TRAPPC4: variants seen among roughly 807,000 people sequenced by gnomAD.
The protein encoded by TRAPPC4 is trafficking protein particle complex subunit 4, also known as TRS23 homolog.
TRAPPC4 carries 30 observed loss-of-function variants against 23.5 expected under a neutral mutation model. That is an observed-to-expected ratio of 1.28 (90% CI 0.96 to 1.73). The LOEUF (loss-of-function observed/expected upper bound fraction) is 1.73. Among genes scored for constraint, TRAPPC4 ranks in the 40% most tolerant of loss-of-function variants. The probability of loss-of-function intolerance (pLI) is 0.00; values close to 1 mark genes in which losing one functional copy is unlikely to be tolerated. For missense variants in TRAPPC4, 252 were observed against 268.9 expected, an observed-to-expected ratio of 0.94 and a Z score of 0.44; for synonymous variants, 129 against 105.3, an observed-to-expected ratio of 1.23 and a Z score of -1.38.
intron 1 of TRAPPC4, 33 bp from the exon 2 acceptor site, chr11:119,019,110 C>T (rs1337571653): frequency 8.7e-6 from 14 of 1,605,232 alleles, no homozygotes; most frequent in Non-Finnish European, 1.2e-5. Context: ...CCCCGGGCTG[C>T]ACCTTCGCTG....
intron 4 of TRAPPC4, chr11:119,022,899 C>T (rs1192734528): frequency 6.6e-6 from 1 of 151,350 alleles, no homozygotes; most frequent in East Asian, 1.9e-4. Context: ...AGAAAACAGA[C>T]TTTCCTTGGT....
In TRAPPC4 at chr11:119,018,845, A is replaced by G. The variant is rs1382280949; in HGVS notation, c.50A>G (p.Tyr17Cys). 2 of 1,614,104 alleles carry G rather than the reference A, an allele frequency of 1.2e-6. No individual in the cohort carries two copies. Among genetic ancestry groups the G allele is most frequent in the Non-Finnish European group, 1.7e-6 (2 of 1,180,046 alleles). ...YVVNKAGGLI[Y>C]QLDSYAPRAE... ...GTGAACAAAGCTGGCGGCTTGATTT[A>G]CCAGTTGGACAGCTACGCGCCACGG... Residue 17 changes from tyrosine (Y) to cysteine (C), a missense_variant, in exon 1 of 5, where the codon TAC becomes TGC. By Grantham distance (194) the Tyr-to-Cys change is radical (BLOSUM62 -2). This residue lies in a region of TRAPPC4 where 222 missense variants were observed against 217.8 expected (regional missense o/e 1.02). Coordinates refer to ENST00000533632, the MANE Select transcript of TRAPPC4 (RefSeq NM_016146.6).
chr11:119,019,790 C>T (rs973619943), intron 2 of TRAPPC4: 2 of 202,962 alleles, frequency 9.9e-6, no homozygotes, highest in African/African-American at 4.7e-5. Flanking sequence ...GCCTTAGTTT[C>T]TTCATATTTA....
intron 2 of TRAPPC4, 26 bp downstream of exon 2, chr11:119,019,343 A>G (rs1400680357): frequency 6.3e-7 from 1 of 1,596,898 alleles, no homozygotes; most frequent in Non-Finnish European, 8.6e-7. Context: ...CCTGAACGGC[A>G]GCGCTTGTAA....
chr11:119,023,388 C>CCTGGGTCATAGG lies in TRAPPC4; in HGVS notation c.653_*4dup. On this transcript the variant is annotated stop_gained and inframe_insertion, in exon 5 of 5. Transcript: ENST00000533632. LOFTEE classifies it high-confidence loss of function. ...GGCAGAGAAGGCTGGAACTTTTGGA[C>CCTGGGTCATAGG]CTGGGTCATAGGCTGAACCTGTTAT... is the stretch of plus-strand genomic sequence containing the variant. The CCTGGGTCATAGG allele has an allele frequency of 6.2e-7, 1 of 1,614,028 alleles. No individual in the cohort carries two copies. The highest frequency in any genetic ancestry group is 8.5e-7 in the Non-Finnish European group (1 of 1,179,958).
chr11:119,020,312 A>G (rs559782013), intron 3 of TRAPPC4, 59 bp downstream of exon 3: 6 of 1,391,144 alleles, frequency 4.3e-6, no homozygotes, highest in South Asian at 2.4e-5. Flanking sequence ...AGAGATACTG[A>G]TAAGTTTGCA....
At chr11:119,020,276 G>C in intron 3 of TRAPPC4, 23 bp downstream of exon 3, 1 of 1,583,740 alleles carries the variant, frequency 6.3e-7, no homozygotes, top group South Asian at 1.1e-5. Context: ...ACGGAGGCCA[G>C]AGGAGTGTGA....
At chr11:119,022,791 CAA>C (rs1943404137) in intron 4 of TRAPPC4, among the ~76,000 whole-genome samples, 3 of 122 alleles carry the variant, frequency 0.025, no homozygotes, top group Non-Finnish European at 0.033. Flanking sequence ...CCCAGCTACT[CAA>C]GTAGGCTGAG....
chr11:119,022,367 G>C (rs1030000132), intron 4 of TRAPPC4, among the ~76,000 whole-genome samples: 1 of 151,802 alleles, frequency 6.6e-6, no homozygotes, highest in African/African-American at 2.4e-5. Flanking sequence ...GAGAGGGTAG[G>C]ATCACTTCAG....
chr11:119,019,267 G>A lies in TRAPPC4; in HGVS notation c.300G>A (p.Arg100=), dbSNP rs7114591. 4,793 of 1,614,100 alleles carry A rather than the reference G, an allele frequency of 3.0e-3. 164 individuals are homozygous for A. The African/African-American group carries it at 0.057, about 19-fold the overall frequency. The stretch of plus-strand genomic sequence containing the variant: ...ACCCGGTGTCCATTCGATTTGGCCG[G>A]CCCCGCCTCACTTCTAATGAGAAGC... ...ANYPVSIRFG[R]PRLTSNEKLM... is the part of the protein sequence containing the mutation. The change falls in exon 2 of 5, where the codon CGG becomes CGA. Residue 100 remains arginine, a synonymous_variant. Transcript: ENST00000533632.
chr11:119,021,538 G>A (rs1943358306), intron 3 of TRAPPC4: 1 of 441,838 alleles, frequency 2.3e-6, no homozygotes, highest in Non-Finnish European at 4.1e-6. Context: ...AGAACTCAAA[G>A]CCTGGTCTTA....
rs199734981 is a variant in TRAPPC4, at chr11:119,020,429, CTT to C, written c.454+186_454+187del. 7.8e-4 allele frequency: 282 copies of C among 360,080 alleles called. 2 individuals are homozygous for C. In the South Asian group the frequency reaches 8.2e-3, roughly 10 times the overall value. 22.3% of individuals were successfully genotyped at this position (360,080 alleles called of 1,614,324 possible). ...GGGGTGTGCTTTTCCTGGCACAATT[CTT>C]TTTTTTTTTGAAATGTTTCACTCTT... On this transcript the variant is annotated intron_variant, in intron 3 of 4. Transcript: ENST00000533632.
In TRAPPC4 at chr11:119,021,896, C is replaced by T. The variant is rs782050164; in HGVS notation, c.581+10C>T. On this transcript the variant is annotated intron_variant, in intron 4 of 4. Transcript: ENST00000533632. ...TAGAAATGCCTATCAGGTAAGTGGC[C>T]CCACTTCCCAGATACTGTTTAAAGC... 1.2e-6 allele frequency: 2 copies of T among 1,613,888 alleles called. No homozygotes were observed. The highest frequency in any genetic ancestry group is 3.3e-5 in the Admixed American group (2 of 60,004).
intron 3 of TRAPPC4, chr11:119,021,101 C>T (rs919788112): frequency 2.0e-5 from 3 of 152,232 alleles, no homozygotes; most frequent in African/African-American, 7.2e-5. Context: ...GTTGGCCAGG[C>T]TGGTCTCGAA....
At position 119,018,955 on chromosome 11, in the gene TRAPPC4, C is replaced by T. The variant is rs2134597117; in HGVS notation, c.160C>T (p.Arg54Trp). ...DERVLVAFGQRDGIRVGHAVL... is the reference protein window; with the variant it reads ...DERVLVAFGQWDGIRVGHAVL... ...GCGTGTGTTGGTTGCTTTCGGCCAG[C>T]GGGACGGCATCCGAGGTGGGCTAGG... Residue 54 changes from arginine (R) to tryptophan (W), a missense_variant, in exon 1 of 5, where the codon CGG becomes TGG. Arg to Trp is a moderately radical substitution (Grantham distance 101). Around this residue, in one of 3 missense-constraint regions of TRAPPC4, gnomAD observed 222 missense variants for 217.8 expected, o/e 1.02. Transcript: ENST00000533632. The T allele has an allele frequency of 1.2e-6, 2 of 1,611,594 alleles. No individual in the cohort carries two copies. Among genetic ancestry groups the T allele is most frequent in the Middle Eastern group, 3.3e-4 (2 of 6,058 alleles).
intron 3 of TRAPPC4, chr11:119,020,653 C>A (rs952808649): frequency 1.8e-5 from 3 of 164,844 alleles, no homozygotes; most frequent in African/African-American, 4.8e-5. Context: ...TTGCCCGCCT[C>A]CCAAAGTGTT....
intron 3 of TRAPPC4, chr11:119,021,147 C>G (rs1163334940): frequency 6.6e-6 from 1 of 152,384 alleles, no homozygotes; most frequent in Admixed American, 6.5e-5. Flanking sequence ...CCTCTGCCTC[C>G]CACAGTGCTG....
chr11:119,022,630 C>G (rs1232449167), intron 4 of TRAPPC4, among the ~76,000 whole-genome samples: 2 of 151,582 alleles, frequency 1.3e-5, no homozygotes, highest in African/African-American at 4.9e-5. Flanking sequence ...TGGCTCACGC[C>G]TGTAATCCCA....
In TRAPPC4 at chr11:119,023,743, G is replaced by T. The variant is rs1592105845; in HGVS notation, c.*344G>T. 5.5e-6 allele frequency: 1 copy of T among 181,176 alleles called. No individual in the cohort carries two copies. The highest frequency in any genetic ancestry group is 1.2e-5 in the Non-Finnish European group (1 of 86,430). The allele number at this position is 181,176 out of a possible 1,614,324, so 11.2% of individuals were successfully genotyped here. On this transcript the variant is annotated 3_prime_UTR_variant, in exon 5 of 5. Coordinates refer to ENST00000533632, the MANE Select transcript of TRAPPC4 (RefSeq NM_016146.6). ...GTCAAAAATGGTTAGGGAATTCTGG[G>T]AAGATGATTATGTGCTAGTAAAAAA... is the stretch of plus-strand genomic sequence containing the variant.
Sources: gnomAD v4.1 joint callset for allele counts (sites outside exome capture counted in the v4.1 genomes callset) on GRCh38, gnomAD v4.1.1 for gene constraint, gnomAD v4.1.1 regional missense constraint, MANE v1.5 for transcripts, NCBI Gene and HGNC (gene_info 2026-07-23, HGNC 2026-07-21) for gene names.